Variants in RABGAP1L observed in about 807,000 individuals in gnomAD.
RABGAP1L encodes the protein RAB GTPase activating protein 1 like, also known as rab GTPase-activating protein 1-like.
Under a neutral mutation model 137.7 loss-of-function variants are expected in RABGAP1L, and 63 were observed. That is an observed-to-expected ratio of 0.46 (90% CI 0.37 to 0.56). The LOEUF (loss-of-function observed/expected upper bound fraction) is 0.56. Among genes scored for constraint, RABGAP1L ranks in the 20% least tolerant of loss-of-function variants. The pLI is 0.00. For synonymous variants in RABGAP1L, 431 were observed against 433.7 expected (o/e 0.99, Z 0.08); for missense variants, 1,095 against 1,244.0 (o/e 0.88, Z 1.80).
chr1:174,723,920 T>G (rs1157143932), intron 17 of RABGAP1L, among the ~76,000 whole-genome samples: 2 of 152,220 alleles, frequency 1.3e-5, no homozygotes, highest in African/African-American at 4.8e-5. Context: ...AATTGATGTT[T>G]GAGAAAAGTA....
chr1:174,517,350 A>C (rs1662959804), intron 13 of RABGAP1L, among the ~76,000 whole-genome samples: 1 of 152,174 alleles, frequency 6.6e-6, no homozygotes, highest in Non-Finnish European at 1.5e-5. Context: ...TACCTTTTGC[A>C]ATATTTTTAT....
chr1:174,525,680 A>G lies in RABGAP1L; in HGVS notation c.1711-111695A>G, dbSNP rs117767857. Among the ~76,000 whole-genome samples, 143 of 152,250 alleles carry G rather than the reference A, an allele frequency of 9.4e-4. No individual in the cohort carries two copies. In the East Asian group the frequency reaches 0.022, roughly 24 times the overall value. On this transcript the variant is annotated intron_variant, in intron 13 of 25. Coordinates refer to ENST00000681986, the MANE Select transcript of RABGAP1L (RefSeq NM_001366446.1). ...GCTGGAACTTCCAGTACTGTGTTGA[A>G]TAGGAGTGGTGAAAGTGGGCATTCT...
At chr1:174,750,877 CT>C (rs920205044) in intron 17 of RABGAP1L, among the ~76,000 whole-genome samples, 2 of 152,074 alleles carry the variant, frequency 1.3e-5, no homozygotes, top group African/African-American at 4.8e-5. Flanking sequence ...GGCAGTAGGT[CT>C]TTTTTATATT....
intron 12 of RABGAP1L, among the ~76,000 whole-genome samples, chr1:174,386,618 C>T (rs1686805888): frequency 6.6e-6 from 1 of 151,976 alleles, no homozygotes; most frequent in Non-Finnish European, 1.5e-5. Context: ...AGTGATTCTC[C>T]TGCCTCAGCC....
chr1:174,773,252 AT>A (rs1176327784), intron 18 of RABGAP1L, among the ~76,000 whole-genome samples: 2 of 152,038 alleles, frequency 1.3e-5, no homozygotes, highest in African/African-American at 4.8e-5. Context: ...AATCCCAGGC[AT>A]GGCGACATAT....
chr1:174,947,383 A>G (rs1667052956), intron 19 of RABGAP1L, among the ~76,000 whole-genome samples: 1 of 150,340 alleles, frequency 6.7e-6, no homozygotes, highest in Non-Finnish European at 1.5e-5. Context: ...GGCGTGAGCT[A>G]CCATGCCCAG....
At chr1:174,807,948 A>AAC (rs1553255684) in intron 18 of RABGAP1L, among the ~76,000 whole-genome samples, 1 of 141,118 alleles carries the variant, frequency 7.1e-6, no homozygotes, top group Middle Eastern at 3.6e-3. Flanking sequence ...AAACAAAACA[A>AAC]AACAACAACA....
chr1:174,249,475 G>A (rs1018226653), intron 5 of RABGAP1L, among the ~76,000 whole-genome samples: 1 of 151,960 alleles, frequency 6.6e-6, no homozygotes, highest in Non-Finnish European at 1.5e-5. Context: ...TCAATTTCTT[G>A]TATATTTTGA....
chr1:174,632,506 T>A (rs1025210667), intron 13 of RABGAP1L, among the ~76,000 whole-genome samples: 1 of 150,676 alleles, frequency 6.6e-6, no homozygotes, highest in African/African-American at 2.5e-5. Flanking sequence ...TTGGTTCCAT[T>A]CTCTGCATCA....
At chr1:174,643,698 A>G (rs1025606484) in intron 14 of RABGAP1L, among the ~76,000 whole-genome samples, 1 of 152,066 alleles carries the variant, frequency 6.6e-6, no homozygotes, top group Non-Finnish European at 1.5e-5. Flanking sequence ...GAAGGTACCA[A>G]ATTTGCATAC....
intron 1 of RABGAP1L, among the ~76,000 whole-genome samples, chr1:174,201,759 T>C (rs1300179341): frequency 6.6e-6 from 1 of 150,754 alleles, no homozygotes; most frequent in East Asian, 2.0e-4. Flanking sequence ...CATTAACTCG[T>C]CATTTAGCAT....
At chr1:174,770,263 A>G (rs759331598) in intron 18 of RABGAP1L, among the ~76,000 whole-genome samples, 111 of 152,178 alleles carry the variant, frequency 7.3e-4, no homozygotes, top group Non-Finnish European at 1.5e-3. Flanking sequence ...TAGTTTCAAG[A>G]TGCTATCTAG....
intron 13 of RABGAP1L, among the ~76,000 whole-genome samples, chr1:174,489,207 A>G (rs1171758209): frequency 6.6e-6 from 1 of 152,196 alleles, no homozygotes; most frequent in Non-Finnish European, 1.5e-5. Flanking sequence ...GAGCTTCTGC[A>G]CAATAAAAGA....
chr1:174,264,736 C>T (rs1445627214), intron 7 of RABGAP1L, among the ~76,000 whole-genome samples: 1 of 150,190 alleles, frequency 6.7e-6, no homozygotes, highest in Admixed American at 6.7e-5. Flanking sequence ...GTTCTACTTC[C>T]AACTATGTAA....
At chr1:174,667,614 C>T (rs1041906057) in intron 14 of RABGAP1L, among the ~76,000 whole-genome samples, 6 of 152,204 alleles carry the variant, frequency 3.9e-5, no homozygotes, top group Non-Finnish European at 7.3e-5. Context: ...TGAATAATTT[C>T]TATAGTCTTC....
chr1:174,801,376 A>G (rs888490034), intron 18 of RABGAP1L, among the ~76,000 whole-genome samples: 1 of 152,194 alleles, frequency 6.6e-6, no homozygotes, highest in East Asian at 1.9e-4. Flanking sequence ...TACATGACTG[A>G]ATTTAACTCT....
intron 7 of RABGAP1L, among the ~76,000 whole-genome samples, chr1:174,272,079 C>CT (rs1021337412): frequency 6.6e-6 from 1 of 151,836 alleles, no homozygotes; most frequent in African/African-American, 2.4e-5. Context: ...TGGAATAAGT[C>CT]TAAGGCAAAT....
intron 19 of RABGAP1L, among the ~76,000 whole-genome samples, chr1:174,895,149 G>T (rs1656918180): frequency 6.6e-6 from 1 of 152,032 alleles, no homozygotes; most frequent in South Asian, 2.1e-4. Context: ...TACTAAAATT[G>T]GTCAAATAAG....
rs533911975 is a variant in RABGAP1L, at chr1:174,473,286, C to T, written c.1710+79141C>T. Among the ~76,000 whole-genome samples the T allele has an allele frequency of 1.1e-4, 17 of 152,322 alleles. No homozygotes were observed. The South Asian group carries it at 1.4e-3, about 13-fold the overall frequency. On this transcript the variant is annotated intron_variant, in intron 13 of 25. Coordinates refer to ENST00000681986, the MANE Select transcript of RABGAP1L (RefSeq NM_001366446.1). Reference sequence around the variant, plus strand: ...ACCATCTCTTGATGACATAGGATCTCTGTAAACCTTGCTGGTGTGCAGAAT... The same window carrying T: ...ACCATCTCTTGATGACATAGGATCTTTGTAAACCTTGCTGGTGTGCAGAAT...
Sources: allele counts gnomAD v4.1 joint callset (sites outside exome capture counted in the v4.1 genomes callset), GRCh38; gene constraint gnomAD v4.1.1; transcripts MANE v1.5; gene names NCBI Gene and HGNC (gene_info 2026-07-23, HGNC 2026-07-21).